The following PTPRD variants were observed in gnomAD, a reference collection of about 807,000 sequenced individuals.
PTPRD encodes the protein receptor-type tyrosine-protein phosphatase delta.
In PTPRD, 34 loss-of-function variants were observed where a neutral mutation model predicts 214.5. The observed-to-expected ratio is 0.16, with a 90% CI of 0.12 to 0.21. The LOEUF is 0.21. Ranked by LOEUF, PTPRD falls within the 10% of genes least tolerant of loss-of-function variation. PTPRD has a pLI of 1.00. For synonymous variants in PTPRD, 1,128 were observed against 845.7 expected (o/e 1.33, Z -5.79); for missense variants, 2,545 against 2,398.7 (o/e 1.06, Z -1.27).
At chr9:9,692,021 T>C (rs1305846611) in intron 7 of PTPRD, among the ~76,000 whole-genome samples, 1 of 152,128 alleles carries the variant, frequency 6.6e-6, no homozygotes, top group East Asian at 1.9e-4. Flanking sequence ...ACTCTGGTTA[T>C]TAATCTCCTG....
intron 11 of PTPRD, among the ~76,000 whole-genome samples, chr9:8,987,313 G>C (rs958114182): frequency 6.6e-6 from 1 of 151,976 alleles, no homozygotes; most frequent in Non-Finnish European, 1.5e-5. Flanking sequence ...ACCTCATTAG[G>C]GTTCAGGATT....
intron 7 of PTPRD, among the ~76,000 whole-genome samples, chr9:9,709,656 T>A (rs2097689738): frequency 6.6e-6 from 1 of 152,014 alleles, no homozygotes; most frequent in African/African-American, 2.4e-5. Flanking sequence ...AAGATAGTAT[T>A]TGGGTGATGG....
At chr9:8,702,214 A>T (rs7854073) in intron 12 of PTPRD, among the ~76,000 whole-genome samples, 94,332 of 151,130 alleles carry the variant, frequency 0.62, 29,934 homozygotes, top group Admixed American at 0.69. Flanking sequence ...ACGTTTATAT[A>T]GGACAGAATG....
At chr9:9,310,383 C>T (rs1318936784) in intron 9 of PTPRD, among the ~76,000 whole-genome samples, 1 of 152,050 alleles carries the variant, frequency 6.6e-6, no homozygotes, top group African/African-American at 2.4e-5. Flanking sequence ...GCATGTGGCC[C>T]TGCTTGGGGT....
rs527923083 is a variant in PTPRD, at chr9:9,415,505, T to A, written c.-236-18023A>T. On this transcript the variant is annotated intron_variant, in intron 8 of 45. Transcript: ENST00000381196. ...AAAATAGATAAATAAAATAAAAAAA[T>A]TTTAAAAAACCCTCTCTAATGAGAT... Among the ~76,000 whole-genome samples the A allele has an allele frequency of 1.4e-3, 209 of 152,096 alleles. 2 individuals are homozygous for A. Among genetic ancestry groups the A allele is most frequent in the African/African-American group, 4.6e-3 (189 of 41,492 alleles).
chr9:8,497,176 G>A, intron 26 of PTPRD, 66 bp downstream of exon 26: 2 of 1,354,946 alleles, frequency 1.5e-6, no homozygotes, highest in African/African-American at 1.5e-5. Flanking sequence ...ACAAATAAGT[G>A]AAAGGATGTC....
chr9:8,357,798 A>G lies in PTPRD; in HGVS notation c.4662-15820T>C, dbSNP rs1416051604. Among the ~76,000 whole-genome samples the G allele has an allele frequency of 2.0e-5, 3 of 152,126 alleles. No individual in the cohort carries two copies. In the East Asian group the frequency reaches 5.8e-4, roughly 29 times the overall value. On this transcript the variant is annotated intron_variant, in intron 39 of 45. Coordinates refer to ENST00000381196, the MANE Select transcript of PTPRD (RefSeq NM_002839.4). ...TCTCAGGGATGCAGCATACATTTCC[A>G]TTAATACTAGGCATAATGCTAATTA... is the stretch of plus-strand genomic sequence containing the variant.
chr9:9,024,338 G>GTT (rs746383829), intron 10 of PTPRD, among the ~76,000 whole-genome samples: 1,993 of 60,564 alleles, frequency 0.033, 25 homozygotes, highest in East Asian at 0.058. Flanking sequence ...TCGATTCTTT[G>GTT]TTTTTTTTTG....
At chr9:9,478,676 G>C (rs989458662) in intron 8 of PTPRD, among the ~76,000 whole-genome samples, 1 of 152,132 alleles carries the variant, frequency 6.6e-6, no homozygotes, top group South Asian at 2.1e-4. Context: ...AAGGTTCATA[G>C]AGTATTGAAT....
chr9:9,097,572 C>A (rs1345791184), intron 10 of PTPRD, among the ~76,000 whole-genome samples: 1 of 146,834 alleles, frequency 6.8e-6, no homozygotes, highest in African/African-American at 2.5e-5. Flanking sequence ...CCATGCCAGG[C>A]TAATTTTTTT....
At chr9:10,435,993 G>A (rs1374289497) in intron 2 of PTPRD, among the ~76,000 whole-genome samples, 7 of 151,672 alleles carry the variant, frequency 4.6e-5, no homozygotes, top group Non-Finnish European at 1.0e-4. Context: ...CAGAGACAAC[G>A]CAGCATTTCT....
At chr9:8,599,037 C>G (rs1007100715) in intron 14 of PTPRD, among the ~76,000 whole-genome samples, 5 of 152,074 alleles carry the variant, frequency 3.3e-5, no homozygotes, top group Admixed American at 2.6e-4. Flanking sequence ...CTGGGAAGGA[C>G]CCGGTGGGAG....
chr9:9,229,513 G>A (rs947761835), intron 9 of PTPRD, among the ~76,000 whole-genome samples: 1 of 152,048 alleles, frequency 6.6e-6, no homozygotes, highest in Non-Finnish European at 1.5e-5. Flanking sequence ...AATTGGCCAA[G>A]CTTAGATCAT....
chr9:10,382,512 T>C (rs1273736372), intron 2 of PTPRD, among the ~76,000 whole-genome samples: 4 of 151,890 alleles, frequency 2.6e-5, no homozygotes, highest in Non-Finnish European at 5.9e-5. Flanking sequence ...CTGAATTGAG[T>C]ATTCCTGCTT....
intron 7 of PTPRD, among the ~76,000 whole-genome samples, chr9:9,579,210 C>G (rs1466432131): frequency 1.3e-5 from 2 of 152,048 alleles, no homozygotes; most frequent in South Asian, 2.1e-4. Context: ...TCTTAGTGGG[C>G]TGGTCCTCAT....
intron 37 of PTPRD, among the ~76,000 whole-genome samples, chr9:8,388,644 A>T (rs1391408818): frequency 6.6e-6 from 1 of 152,178 alleles, no homozygotes; most frequent in Non-Finnish European, 1.5e-5. Flanking sequence ...TTACCAAGCT[A>T]TGACTCCATT....
intron 3 of PTPRD, among the ~76,000 whole-genome samples, chr9:10,305,876 G>A (rs568689542): frequency 6.6e-6 from 1 of 152,130 alleles, no homozygotes; most frequent in South Asian, 2.1e-4. Flanking sequence ...ATTCCTCAAG[G>A]ATCTAGAACT....
chr9:9,137,288 C>T (rs141566800), intron 10 of PTPRD, among the ~76,000 whole-genome samples: 142 of 152,152 alleles, frequency 9.3e-4, no homozygotes, highest in African/African-American at 3.2e-3. Flanking sequence ...CTTCCTTGGG[C>T]TATTTTGTTT....
chr9:9,627,139 C>G (rs905000919), intron 7 of PTPRD, among the ~76,000 whole-genome samples: 2 of 152,078 alleles, frequency 1.3e-5, no homozygotes, highest in Non-Finnish European at 2.9e-5. Context: ...CATGGTGAAA[C>G]CCCATCTCTA....
Sources: gnomAD v4.1 joint callset for allele counts (sites outside exome capture counted in the v4.1 genomes callset) on GRCh38, gnomAD v4.1.1 for gene constraint, MANE v1.5 for transcripts, NCBI Gene and HGNC (gene_info 2026-07-23, HGNC 2026-07-21) for gene names.